Variants in FGF1 observed in about 807,000 individuals in gnomAD.
FGF1 encodes fibroblast growth factor 1.
In FGF1, 9 loss-of-function variants were observed where a neutral mutation model predicts 13.4. The observed-to-expected ratio is 0.67, with a 90% CI of 0.40 to 1.17. The LOEUF (loss-of-function observed/expected upper bound fraction) is 1.17, where lower values mean the gene tolerates loss of function less well. Ranked by LOEUF, FGF1 falls within the 50% of genes most tolerant of loss-of-function variation. FGF1 has a pLI of 0.01. For missense variants in FGF1, 156 were observed against 192.7 expected, an observed-to-expected ratio of 0.81 and a Z score of 1.13; for synonymous variants, 93 against 79.0, an observed-to-expected ratio of 1.18 and a Z score of -0.94.
intron 1 of FGF1, among the ~76,000 whole-genome samples, chr5:142,625,231 A>T (rs1011097032): frequency 3.3e-5 from 5 of 152,030 alleles, no homozygotes; most frequent in African/African-American, 7.2e-5. Context: ...TGGGGCTGTT[A>T]TCTAATCCAG....
At chr5:142,645,813 T>C (rs575139974) in intron 1 of FGF1, among the ~76,000 whole-genome samples, 7 of 152,332 alleles carry the variant, frequency 4.6e-5, no homozygotes, top group African/African-American at 1.7e-4. Context: ...CCTTTACCTC[T>C]GATATTCTCC....
intron 1 of FGF1, among the ~76,000 whole-genome samples, chr5:142,667,858 G>T (rs1280254703): frequency 6.6e-6 from 1 of 152,206 alleles, no homozygotes; most frequent in Non-Finnish European, 1.5e-5. Context: ...AAGCGCCCTG[G>T]CTAGCCTGAC....
intron 1 of FGF1, among the ~76,000 whole-genome samples, chr5:142,620,025 C>T (rs1761206684): frequency 6.6e-6 from 1 of 151,458 alleles, no homozygotes; most frequent in African/African-American, 2.4e-5. Context: ...TTAACTCCAT[C>T]TGCACTCTGA....
chr5:142,653,619 T>A (rs886978275), intron 1 of FGF1, among the ~76,000 whole-genome samples: 1 of 152,242 alleles, frequency 6.6e-6, no homozygotes, highest in African/African-American at 2.4e-5. Context: ...GAATTAACCC[T>A]GACCCATCTT....
intron 1 of FGF1, among the ~76,000 whole-genome samples, chr5:142,647,227 C>A (rs1486353362): frequency 6.6e-6 from 1 of 152,102 alleles, no homozygotes; most frequent in East Asian, 1.9e-4. Context: ...TGTGAAGTTG[C>A]CCCCTCACCA....
At chr5:142,677,646 G>A (rs150907828) in intron 1 of FGF1, among the ~76,000 whole-genome samples, 28 of 152,292 alleles carry the variant, frequency 1.8e-4, no homozygotes, top group African/African-American at 5.8e-4. Context: ...GGACAACAGA[G>A]GGTAGAAGGT....
intron 1 of FGF1, among the ~76,000 whole-genome samples, chr5:142,678,570 C>T (rs1363537981): frequency 6.6e-6 from 1 of 152,184 alleles, no homozygotes; most frequent in Admixed American, 6.5e-5. Flanking sequence ...TGCCCCTTTC[C>T]AGGCTTGTCT....
chr5:142,620,731 T>C (rs1203112998), intron 1 of FGF1, among the ~76,000 whole-genome samples: 2 of 152,148 alleles, frequency 1.3e-5, no homozygotes, highest in Non-Finnish European at 2.9e-5. Context: ...AATACACAAC[T>C]AGTAAACTTA....
chr5:142,595,722 T>C (rs1017292068), intron 3 of FGF1, among the ~76,000 whole-genome samples: 1 of 152,178 alleles, frequency 6.6e-6, no homozygotes, highest in Non-Finnish European at 1.5e-5. Context: ...TAAACTTCCT[T>C]TCCATTTAAA....
chr5:142,674,325 T>A (rs1451612675), intron 1 of FGF1, among the ~76,000 whole-genome samples: 2 of 152,190 alleles, frequency 1.3e-5, no homozygotes, highest in African/African-American at 4.8e-5. Flanking sequence ...ATGGATCGTA[T>A]CTGCTCTTGT....
intron 2 of FGF1, among the ~76,000 whole-genome samples, chr5:142,697,149 G>A (rs1339856474): frequency 6.6e-6 from 1 of 152,176 alleles, no homozygotes; most frequent in Non-Finnish European, 1.5e-5. Flanking sequence ...AGGAAGAGAT[G>A]GGGAAGGGAG....
intron 2 of FGF1, among the ~76,000 whole-genome samples, chr5:142,604,650 C>G (rs954739388): frequency 6.6e-6 from 1 of 152,142 alleles, no homozygotes; most frequent in African/African-American, 2.4e-5. Flanking sequence ...GCTTTTGTGG[C>G]CTTTTCTCCT....
At chr5:142,655,996 C>T (rs539039014) in intron 1 of FGF1, among the ~76,000 whole-genome samples, 1 of 152,294 alleles carries the variant, frequency 6.6e-6, no homozygotes, top group African/African-American at 2.4e-5. Flanking sequence ...GGAGGGTTTT[C>T]CTCACTCTGT....
intron 2 of FGF1, among the ~76,000 whole-genome samples, chr5:142,604,174 A>G (rs1757156576): frequency 6.6e-6 from 1 of 152,116 alleles, no homozygotes; most frequent in Admixed American, 6.5e-5. Flanking sequence ...TCTAAAATGG[A>G]TTGTGGTGTT....
At chr5:142,693,889 G>A (rs1305820448) in intron 2 of FGF1, among the ~76,000 whole-genome samples, 1 of 152,086 alleles carries the variant, frequency 6.6e-6, no homozygotes, top group Non-Finnish European at 1.5e-5. Flanking sequence ...TTCATTGCAT[G>A]GATACACCAC....
chr5:142,663,832 G>A (rs1459931352), intron 1 of FGF1, among the ~76,000 whole-genome samples: 1 of 152,186 alleles, frequency 6.6e-6, no homozygotes, highest in Non-Finnish European at 1.5e-5. Flanking sequence ...TAAGGCTTTC[G>A]AAGAGGCAGG....
At chr5:142,636,678 G>C in intron 1 of FGF1, among the ~76,000 whole-genome samples, 1 of 150,474 alleles carries the variant, frequency 6.6e-6, no homozygotes, top group South Asian at 2.1e-4. Context: ...ATAGGACCTG[G>C]GAGACTTCGG....
chr5:142,664,470 C>T (rs1052309331), intron 1 of FGF1, among the ~76,000 whole-genome samples: 2 of 152,202 alleles, frequency 1.3e-5, no homozygotes, highest in African/African-American at 4.8e-5. Context: ...AGGCAACGCT[C>T]CTAGCATGGT....
chr5:142,601,285 A>G lies in FGF1; in HGVS notation c.170-480T>C, dbSNP rs200237773. Among the ~76,000 whole-genome samples, 5 of 152,292 alleles carry G rather than the reference A, an allele frequency of 3.3e-5. No homozygotes were observed. In the East Asian group the frequency reaches 9.7e-4, roughly 29 times the overall value. ...TTTTAATTGTCTGGGCCTTCTAGTC[A>G]TGGGAGAGATTCCTGTCCGCAGATC... On this transcript the variant is annotated intron_variant, in intron 2 of 3. Transcript: ENST00000337706.
Sources: allele counts gnomAD v4.1 joint callset (sites outside exome capture counted in the v4.1 genomes callset), GRCh38; gene constraint gnomAD v4.1.1; transcripts MANE v1.5; gene names NCBI Gene and HGNC (gene_info 2026-07-23, HGNC 2026-07-21).